DPF3: variants seen among roughly 807,000 people sequenced by gnomAD.
The protein encoded by DPF3 is zinc finger protein DPF3.
In DPF3, 18 loss-of-function variants were observed where a neutral mutation model predicts 56.8. The observed-to-expected ratio is 0.32, with a 90% CI of 0.22 to 0.47. The LOEUF (loss-of-function observed/expected upper bound fraction) is 0.47, where lower values mean the gene tolerates loss of function less well. Among genes scored for constraint, DPF3 ranks in the 20% least tolerant of loss-of-function variants. DPF3 has a pLI of 1.00. For missense variants in DPF3, 403 were observed against 488.8 expected (o/e 0.82, Z 1.65); for synonymous variants, 188 against 180.2 (o/e 1.04, Z -0.35).
At chr14:72,865,847 G>T (rs1461055972) in intron 1 of DPF3, among the ~76,000 whole-genome samples, 1 of 152,150 alleles carries the variant, frequency 6.6e-6, no homozygotes, top group Non-Finnish European at 1.5e-5. Context: ...AGGAGTTTGA[G>T]ACCAGCCTGG....
chr14:72,686,866 G>C (rs543861958), intron 7 of DPF3, among the ~76,000 whole-genome samples: 1 of 152,232 alleles, frequency 6.6e-6, no homozygotes, highest in Admixed American at 6.5e-5. Flanking sequence ...TCACCTTTCA[G>C]AGTAATCTAA....
In DPF3 at chr14:72,830,308, A is replaced by G. The variant is rs116384303; in HGVS notation, c.33-58415T>C. Among the ~76,000 whole-genome samples the G allele has an allele frequency of 4.5e-3, 679 of 152,348 alleles. 5 individuals carry two copies. Among genetic ancestry groups the G allele is most frequent in the African/African-American group, 0.015 (625 of 41,570 alleles). On this transcript the variant is annotated intron_variant, in intron 1 of 10. Coordinates refer to ENST00000556509, the MANE Select transcript of DPF3 (RefSeq NM_001280542.3). ...GGGGAGCTGTGGGCAAAATTGCACC[A>G]GTTCAGAACCACTGAATTTTTTAAA...
intron 7 of DPF3, among the ~76,000 whole-genome samples, chr14:72,678,356 A>C (rs1467735561): frequency 6.6e-6 from 1 of 152,224 alleles, no homozygotes; most frequent in Admixed American, 6.5e-5. Context: ...AAAGCTATAA[A>C]AATTATTGAG....
chr14:72,723,909 C>A, intron 4 of DPF3, 181 bp from the exon 5 acceptor site: 1 of 569,750 alleles, frequency 1.8e-6, no homozygotes, highest in Non-Finnish European at 3.0e-6. Flanking sequence ...TTGGCACTAC[C>A]GAGGCTCTCC....
intron 7 of DPF3, among the ~76,000 whole-genome samples, chr14:72,685,528 A>G (rs1887371292): frequency 6.6e-6 from 1 of 152,252 alleles, no homozygotes; most frequent in Admixed American, 6.5e-5. Flanking sequence ...CTAACAAGGC[A>G]GGAAAAATCA....
At chr14:72,804,510 T>C (rs1369743420) in intron 1 of DPF3, among the ~76,000 whole-genome samples, 1 of 152,184 alleles carries the variant, frequency 6.6e-6, no homozygotes, top group African/African-American at 2.4e-5. Context: ...TTCACATTCA[T>C]ATGAGGGTGG....
chr14:72,640,244 A>G (rs138427925), intron 8 of DPF3, among the ~76,000 whole-genome samples: 1 of 152,180 alleles, frequency 6.6e-6, no homozygotes, highest in East Asian at 1.9e-4. Flanking sequence ...TGTAGGCATG[A>G]GGATCTGAAT....
chr14:72,775,675 T>A (rs1411839728), intron 1 of DPF3, among the ~76,000 whole-genome samples: 1 of 152,168 alleles, frequency 6.6e-6, no homozygotes, highest in African/African-American at 2.4e-5. Context: ...GTATTAAAGA[T>A]CGAAGCTGCA....
At chr14:72,883,748 T>TA (rs1259120291) in intron 1 of DPF3, among the ~76,000 whole-genome samples, 1 of 151,882 alleles carries the variant, frequency 6.6e-6, no homozygotes, top group East Asian at 1.9e-4. Context: ...GCCAACATGA[T>TA]AAAACCCGAT....
intron 8 of DPF3, among the ~76,000 whole-genome samples, chr14:72,654,213 C>T (rs1400568694): frequency 6.6e-6 from 1 of 152,144 alleles, no homozygotes. Context: ...GATCTTCCTT[C>T]CACTCCATTC....
chr14:72,858,787 G>T lies in DPF3; in HGVS notation c.32+35270C>A, dbSNP rs148280896. ...TTCTATTTGTTCTGTGTGGACATTT[G>T]CATGGAGAGGTATCTGAAATTATGT... On this transcript the variant is annotated intron_variant, in intron 1 of 10. Coordinates refer to ENST00000556509, the MANE Select transcript of DPF3 (RefSeq NM_001280542.3). Among the ~76,000 whole-genome samples the T allele has an allele frequency of 5.9e-3, 905 of 152,290 alleles. 12 individuals are homozygous for T. The highest frequency in any genetic ancestry group is 0.021 in the African/African-American group (853 of 41,554).
chr14:72,682,354 G>T (rs1238091932), intron 7 of DPF3, among the ~76,000 whole-genome samples: 1 of 152,194 alleles, frequency 6.6e-6, no homozygotes, highest in African/African-American at 2.4e-5. Flanking sequence ...GCCCTGGTGT[G>T]GCAACTTGTG....
At position 72,717,099 on chromosome 14, in the gene DPF3, A is replaced by C. The variant is rs146223901; in HGVS notation, c.526-2598T>G. On this transcript the variant is annotated intron_variant, in intron 5 of 10. Transcript: ENST00000556509. ...ACAACCCACTTACACAGCCAGTGGC[A>C]ACCTAGTGCTGATCCCCTCGGGTTC... Among the ~76,000 whole-genome samples, 894 of 152,318 alleles carry C rather than the reference A, an allele frequency of 5.9e-3. 8 individuals carry two copies. The highest frequency in any genetic ancestry group is 0.02 in the African/African-American group (851 of 41,556).
At chr14:72,740,272 C>T (rs938312948) in intron 3 of DPF3, among the ~76,000 whole-genome samples, 5 of 152,174 alleles carry the variant, frequency 3.3e-5, no homozygotes. Context: ...AATGGCAAGC[C>T]GCTGGAGGTG....
chr14:72,798,063 T>C (rs527840571), intron 1 of DPF3, among the ~76,000 whole-genome samples: 1 of 152,062 alleles, frequency 6.6e-6, no homozygotes, highest in Non-Finnish European at 1.5e-5. Context: ...AAGACCAGCC[T>C]GGCTAAAACG....
chr14:72,670,211 C>T, intron 8 of DPF3: 3 of 986,004 alleles, frequency 3.0e-6, no homozygotes, highest in Non-Finnish European at 3.6e-6. Flanking sequence ...CTCCTTCTAT[C>T]TTCCAGAAGC....
intron 3 of DPF3, among the ~76,000 whole-genome samples, chr14:72,745,605 T>C (rs1890293055): frequency 6.6e-6 from 1 of 152,182 alleles, no homozygotes; most frequent in African/African-American, 2.4e-5. Flanking sequence ...GTCATACCAA[T>C]TCCGTTGCAA....
At chr14:72,789,697 T>A (rs1892350378) in intron 1 of DPF3, among the ~76,000 whole-genome samples, 1 of 151,794 alleles carries the variant, frequency 6.6e-6, no homozygotes, top group African/African-American at 2.4e-5. Context: ...CCCAGCTAAT[T>A]TTTTTTTCTT....
intron 9 of DPF3, 42 bp downstream of exon 9, chr14:72,629,582 T>C: frequency 1.3e-6 from 2 of 1,500,360 alleles, no homozygotes; most frequent in South Asian, 2.4e-5. Flanking sequence ...GGACCCCAGC[T>C]CTGTGGATTT....
Sources: gnomAD v4.1 joint callset for allele counts (sites outside exome capture counted in the v4.1 genomes callset) on GRCh38, gnomAD v4.1.1 for gene constraint, MANE v1.5 for transcripts, NCBI Gene and HGNC (gene_info 2026-07-23, HGNC 2026-07-21) for gene names.